DYTN: variants seen among roughly 807,000 people sequenced by gnomAD.
DYTN encodes dystrotelin.
In DYTN, 75 loss-of-function variants were observed where a neutral mutation model predicts 69.6. The ratio of observed to expected loss-of-function variants is 1.08; its 90% CI spans 0.89 to 1.31. The LOEUF (loss-of-function observed/expected upper bound fraction) is 1.31. DYTN is among the 50% of genes most tolerant of loss of function. The pLI, the probability that DYTN is intolerant of heterozygous loss-of-function variation, is 0.00. For synonymous variants in DYTN, 252 were observed against 249.1 expected, an observed-to-expected ratio of 1.01 and a Z score of -0.11; for missense variants, 726 against 688.4, an observed-to-expected ratio of 1.05 and a Z score of -0.61.
intron 1 of DYTN, 75 bp downstream of exon 1, chr2:206,718,186 G>T (rs1700145984): frequency 1.4e-6 from 2 of 1,455,950 alleles, no homozygotes; most frequent in Admixed American, 2.2e-5. Context: ...TCAAATCAGA[G>T]GTCTGAAAAT....
intron 9 of DYTN, among the ~76,000 whole-genome samples, chr2:206,671,152 C>G (rs532141378): frequency 5.3e-5 from 8 of 152,134 alleles, no homozygotes; most frequent in Non-Finnish European, 1.2e-4. Context: ...TCCTGGGGCA[C>G]CATGTTCCAG....
At chr2:206,654,347 G>A (rs1232705443) in intron 11 of DYTN, among the ~76,000 whole-genome samples, 2 of 152,192 alleles carry the variant, frequency 1.3e-5, no homozygotes, top group African/African-American at 2.4e-5. Context: ...TACTCAACGT[G>A]AAGATGATGA....
At chr2:206,701,203 A>G (rs1302390561) in intron 5 of DYTN, 1 of 152,238 alleles carries the variant, frequency 6.6e-6, no homozygotes, top group Non-Finnish European at 1.5e-5. Flanking sequence ...GCTTTGAGAA[A>G]AACCTTTCCA....
intron 9 of DYTN, among the ~76,000 whole-genome samples, chr2:206,666,560 C>T (rs1699574241): frequency 1.3e-5 from 2 of 152,118 alleles, no homozygotes; most frequent in African/African-American, 4.8e-5. Flanking sequence ...TAGAAATACT[C>T]CATTCAGAAT....
chr2:206,678,226 G>C (rs538392920), intron 9 of DYTN, among the ~76,000 whole-genome samples: 1 of 152,298 alleles, frequency 6.6e-6, no homozygotes, highest in Admixed American at 6.5e-5. Flanking sequence ...ATTTCACTCT[G>C]AGTCAGAGAA....
intron 7 of DYTN, among the ~76,000 whole-genome samples, 182 bp from the exon 8 acceptor site, chr2:206,695,059 C>G (rs1387769771): frequency 6.6e-6 from 1 of 152,112 alleles, no homozygotes; most frequent in African/African-American, 2.4e-5. Context: ...TTTGTTTACT[C>G]AAATACATCT....
chr2:206,672,812 A>T (rs190751477), intron 9 of DYTN, among the ~76,000 whole-genome samples: 96 of 152,364 alleles, frequency 6.3e-4, no homozygotes, highest in Non-Finnish European at 9.6e-4. Flanking sequence ...AAAACATGCT[A>T]AAGTATTTGC....
chr2:206,666,020 T>C lies in DYTN; in HGVS notation c.990A>G (p.Lys330=). The C allele has an allele frequency of 6.2e-7, 1 of 1,613,736 alleles. No individual in the cohort carries two copies. Reference sequence around the variant, plus strand: ...TGTCTTTGTATTGGTTTAACTGTTTTTTAAGGAGCCTGAAAAGAGAACAGA... The same window carrying C: ...TGTCTTTGTATTGGTTTAACTGTTTCTTAAGGAGCCTGAAAAGAGAACAGA... ...VPHHAQARLL[K]KQLNQYKDKL... Residue 330 remains lysine, a synonymous_variant, in exon 10 of 12, where the codon AAA becomes AAG. Transcript: ENST00000452335.
At chr2:206,654,606 G>T (rs1035418045) in intron 11 of DYTN, among the ~76,000 whole-genome samples, 1 of 152,066 alleles carries the variant, frequency 6.6e-6, no homozygotes, top group African/African-American at 2.4e-5. Context: ...CTGATTTTTG[G>T]CAGCATGGAG....
At chr2:206,656,069 A>G (rs1323491813) in intron 11 of DYTN, among the ~76,000 whole-genome samples, 1 of 152,094 alleles carries the variant, frequency 6.6e-6, no homozygotes, top group Non-Finnish European at 1.5e-5. Flanking sequence ...ATCATTATTG[A>G]AAGTGGTTTA....
intron 1 of DYTN, among the ~76,000 whole-genome samples, chr2:206,717,200 A>G (rs1271384748): frequency 5.3e-5 from 8 of 152,226 alleles, no homozygotes; most frequent in African/African-American, 1.9e-4. Context: ...CATGGAAGCA[A>G]AATGATTGGG....
intron 9 of DYTN, among the ~76,000 whole-genome samples, chr2:206,683,838 T>C (rs964412424): frequency 7.2e-5 from 11 of 152,128 alleles, no homozygotes; most frequent in Admixed American, 5.2e-4. Flanking sequence ...CTGCATGACT[T>C]ACTCCCTCAC....
intron 11 of DYTN, among the ~76,000 whole-genome samples, chr2:206,655,050 C>A (rs896100358): frequency 2.0e-4 from 31 of 152,036 alleles, no homozygotes; most frequent in African/African-American, 7.0e-4. Context: ...TTGCTTTGTT[C>A]CTGATCTTAA....
At chr2:206,709,460 G>C (rs940336894) in intron 2 of DYTN, among the ~76,000 whole-genome samples, 2 of 148,724 alleles carry the variant, frequency 1.3e-5, no homozygotes, top group South Asian at 4.3e-4. Context: ...CACACACACA[G>C]ACACACACAC....
chr2:206,706,776 C>T (rs377555487), intron 3 of DYTN, among the ~76,000 whole-genome samples: 54 of 152,066 alleles, frequency 3.6e-4, no homozygotes, highest in African/African-American at 1.2e-3. Flanking sequence ...AAAAAACACA[C>T]GCACCCCTAC....
At chr2:206,706,495 T>TAAA (rs77632434) in intron 3 of DYTN, among the ~76,000 whole-genome samples, 1 of 144,930 alleles carries the variant, frequency 6.9e-6, no homozygotes. Flanking sequence ...TAAAAAAAAT[T>TAAA]AAAAAAAAAA....
chr2:206,712,941 T>C (rs903287476), intron 1 of DYTN, among the ~76,000 whole-genome samples: 5 of 152,176 alleles, frequency 3.3e-5, no homozygotes, highest in Admixed American at 3.3e-4. Context: ...GAATTTGGAA[T>C]TGTAGATTGG....
chr2:206,699,685 T>C (rs775474118), intron 7 of DYTN, 42 bp downstream of exon 7: 44 of 1,590,026 alleles, frequency 2.8e-5, no homozygotes, highest in Non-Finnish European at 3.7e-5. Flanking sequence ...TGTAGAACCA[T>C]ATGGAGAATG....
chr2:206,690,568 C>G (rs149140944), intron 9 of DYTN, among the ~76,000 whole-genome samples: 1 of 152,098 alleles, frequency 6.6e-6, no homozygotes, highest in Admixed American at 6.5e-5. Context: ...AGAAAGGGAC[C>G]GCTGAGGTGG....
Sources: gnomAD v4.1 joint callset for allele counts (sites outside exome capture counted in the v4.1 genomes callset) on GRCh38, gnomAD v4.1.1 for gene constraint, MANE v1.5 for transcripts, NCBI Gene and HGNC (gene_info 2026-07-23, HGNC 2026-07-21) for gene names.